SMYD3: variants seen among roughly 807,000 people sequenced by gnomAD.
SMYD3 encodes the protein SET and MYND domain containing 3, also known as histone-lysine N-methyltransferase SMYD3.
Under a neutral mutation model 57.7 loss-of-function variants are expected in SMYD3, and 36 were observed. That is an observed-to-expected ratio of 0.62 (90% confidence interval 0.48 to 0.82). The LOEUF (loss-of-function observed/expected upper bound fraction) is 0.82. Among genes scored for constraint, SMYD3 ranks in the 40% least tolerant of loss-of-function variants. SMYD3 has a pLI of 0.00. For missense variants in SMYD3, 515 were observed against 538.8 expected (o/e 0.96, Z 0.44); for synonymous variants, 211 against 195.0 (o/e 1.08, Z -0.68).
chr1:246,141,525 T>C (rs1035918274), intron 5 of SMYD3, among the ~76,000 whole-genome samples: 2 of 152,312 alleles, frequency 1.3e-5, no homozygotes, highest in South Asian at 4.2e-4. Context: ...CTCAATTCTC[T>C]CCTTCACAGT....
chr1:246,465,088 A>C (rs2067861780), intron 1 of SMYD3, among the ~76,000 whole-genome samples: 1 of 152,244 alleles, frequency 6.6e-6, no homozygotes, highest in Admixed American at 6.5e-5. Flanking sequence ...AAAATGAGGA[A>C]TACAAACTGC....
rs568267986 is a variant in SMYD3 at position 246,209,512 on chromosome 1, T to C, written c.531+117689A>G. Among the ~76,000 whole-genome samples the C allele has an allele frequency of 2.0e-5, 3 of 152,066 alleles. No homozygotes were observed. In the South Asian group the frequency reaches 6.2e-4, roughly 32 times the overall value. ...AAAAATCACTTAAGCTTTATAAGCA[T>C]AGAAGATTTTATTAAAGGACTGGTC... On this transcript the variant is annotated intron_variant, in intron 5 of 11. Coordinates refer to ENST00000490107, the MANE Select transcript of SMYD3 (RefSeq NM_001167740.2).
intron 11 of SMYD3, among the ~76,000 whole-genome samples, chr1:245,752,406 C>CA (rs1478540913): frequency 4.6e-5 from 7 of 152,196 alleles, no homozygotes; most frequent in Admixed American, 4.6e-4. Context: ...CTCCTGGTTA[C>CA]ATTCCCCAGG....
chr1:245,760,603 C>T (rs906448890), intron 11 of SMYD3, among the ~76,000 whole-genome samples: 2 of 152,272 alleles, frequency 1.3e-5, no homozygotes, highest in South Asian at 4.1e-4. Context: ...TTAAAAAAAT[C>T]CATTCATTCA....
intron 10 of SMYD3, among the ~76,000 whole-genome samples, chr1:245,813,738 CCA>C (rs2048621520): frequency 6.6e-6 from 1 of 152,010 alleles, no homozygotes; most frequent in South Asian, 2.1e-4. Context: ...GTCTCTGAAA[CCA>C]TGAAGAAAAG....
intron 1 of SMYD3, among the ~76,000 whole-genome samples, chr1:246,382,677 G>C (rs2066408540): frequency 6.6e-6 from 1 of 151,656 alleles, no homozygotes; most frequent in Admixed American, 6.6e-5. Context: ...ACAGATCCAG[G>C]CTCTAGGATT....
chr1:245,945,650 C>T (rs2057405863), intron 5 of SMYD3, among the ~76,000 whole-genome samples: 1 of 152,110 alleles, frequency 6.6e-6, no homozygotes, highest in Admixed American at 6.6e-5. Context: ...TATTCTACTA[C>T]AAAGATACAT....
chr1:246,265,542 A>G (rs2064090104), intron 5 of SMYD3, among the ~76,000 whole-genome samples: 1 of 152,168 alleles, frequency 6.6e-6, no homozygotes, highest in Non-Finnish European at 1.5e-5. Flanking sequence ...ACTCCAGAAA[A>G]ACTGCAGTCT....
intron 5 of SMYD3, among the ~76,000 whole-genome samples, chr1:246,124,352 GA>G (rs547960344): frequency 1.3e-4 from 19 of 151,852 alleles, no homozygotes; most frequent in South Asian, 2.1e-4. Flanking sequence ...AATAAAAAAA[GA>G]AAGAAAGAAA....
chr1:246,221,473 G>A (rs1015643760), intron 5 of SMYD3, among the ~76,000 whole-genome samples: 17 of 152,234 alleles, frequency 1.1e-4, no homozygotes, highest in Admixed American at 6.5e-4. Context: ...GAAGGAGAAA[G>A]GAGCTGCAAC....
chr1:246,078,341 C>G (rs75565404), intron 5 of SMYD3, among the ~76,000 whole-genome samples: 8,435 of 152,132 alleles, frequency 0.055, 304 homozygotes, highest in Non-Finnish European at 0.071. Context: ...CTTGTTTAAC[C>G]TGAGAAAGTA....
chr1:246,249,495 C>T (rs1452614759), intron 5 of SMYD3, among the ~76,000 whole-genome samples: 3 of 151,218 alleles, frequency 2.0e-5, no homozygotes, highest in East Asian at 2.0e-4. Flanking sequence ...CACAAAAATG[C>T]ACCCAGTATG....
chr1:246,390,486 T>C (rs1281326963), intron 1 of SMYD3, among the ~76,000 whole-genome samples: 2 of 152,096 alleles, frequency 1.3e-5, no homozygotes, highest in African/African-American at 4.8e-5. Flanking sequence ...TAAGTAACTA[T>C]AAAACTTTCA....
intron 5 of SMYD3, among the ~76,000 whole-genome samples, chr1:246,048,785 A>G (rs1034193175): frequency 3.9e-5 from 6 of 152,146 alleles, no homozygotes; most frequent in African/African-American, 1.4e-4. Context: ...AAAGCAAAAA[A>G]AAAAAAGTGT....
At chr1:245,796,055 T>A (rs2047507635) in intron 10 of SMYD3, among the ~76,000 whole-genome samples, 1 of 152,116 alleles carries the variant, frequency 6.6e-6, no homozygotes, top group Non-Finnish European at 1.5e-5. Flanking sequence ...TTCTTTTTGG[T>A]AAGATGTACC....
intron 4 of SMYD3, among the ~76,000 whole-genome samples, chr1:246,327,923 G>A (rs369960579): frequency 9.2e-5 from 14 of 152,300 alleles, no homozygotes; most frequent in Non-Finnish European, 2.1e-4. Flanking sequence ...GCCTGGCGCC[G>A]TGACTCACGC....
intron 10 of SMYD3, among the ~76,000 whole-genome samples, chr1:245,841,043 C>T (rs1199339060): frequency 1.3e-5 from 2 of 152,144 alleles, no homozygotes; most frequent in Non-Finnish European, 2.9e-5. Context: ...CTTGATGTCC[C>T]TTTTACAGAT....
At chr1:245,911,822 C>T (rs1356659755) in intron 8 of SMYD3, among the ~76,000 whole-genome samples, 2 of 151,776 alleles carry the variant, frequency 1.3e-5, no homozygotes, top group African/African-American at 2.4e-5. Context: ...TTCAGCTGCA[C>T]AATAGGGCAA....
At chr1:246,090,271 T>A (rs2060798434) in intron 5 of SMYD3, among the ~76,000 whole-genome samples, 1 of 152,150 alleles carries the variant, frequency 6.6e-6, no homozygotes, top group African/African-American at 2.4e-5. Flanking sequence ...ACCCAGTATG[T>A]CCTAACAGAG....
Sources: allele counts gnomAD v4.1 joint callset (sites outside exome capture counted in the v4.1 genomes callset), GRCh38; gene constraint gnomAD v4.1.1; transcripts MANE v1.5; gene names NCBI Gene and HGNC (gene_info 2026-07-23, HGNC 2026-07-21).